The following NRG3 variants were observed in gnomAD, a reference collection of about 807,000 sequenced individuals.
The protein encoded by NRG3 is pro-neuregulin-3, membrane-bound isoform.
Under a neutral mutation model 66.9 loss-of-function variants are expected in NRG3, and 31 were observed. That is an observed-to-expected ratio of 0.46 (90% CI 0.35 to 0.63). NRG3 has a LOEUF of 0.63. NRG3 is among the 20% of genes least tolerant of loss of function. NRG3 has a pLI of 0.00. For missense variants in NRG3, 910 were observed against 878.9 expected (o/e 1.04, Z -0.45); for synonymous variants, 393 against 359.4 (o/e 1.09, Z -1.06).
intron 1 of NRG3, among the ~76,000 whole-genome samples, chr10:82,062,658 G>A (rs1274844000): frequency 6.6e-6 from 1 of 151,930 alleles, no homozygotes; most frequent in African/African-American, 2.4e-5. Context: ...TGGCTCCCAG[G>A]CAATGGGATG....
chr10:82,334,916 G>T (rs2082313177), intron 1 of NRG3, among the ~76,000 whole-genome samples: 1 of 152,090 alleles, frequency 6.6e-6, no homozygotes, highest in Non-Finnish European at 1.5e-5. Context: ...CTCTCAGGAG[G>T]TGCCAGCATT....
At chr10:81,918,818 C>CAAAAAAAAAAAAA (rs1554854963) in intron 1 of NRG3, among the ~76,000 whole-genome samples, 4 of 145,772 alleles carry the variant, frequency 2.7e-5, no homozygotes, top group African/African-American at 1.0e-4. Flanking sequence ...AGGATTTTTG[C>CAAAAAAAAAAAAA]AAAAAACAAA....
intron 1 of NRG3, among the ~76,000 whole-genome samples, chr10:82,200,913 C>G (rs959326850): frequency 1.3e-5 from 2 of 151,966 alleles, no homozygotes; most frequent in African/African-American, 4.8e-5. Context: ...AAAGAGACAG[C>G]TGGGCCGGGC....
intron 1 of NRG3, among the ~76,000 whole-genome samples, chr10:82,011,695 A>T (rs1394213958): frequency 6.6e-6 from 1 of 152,154 alleles, no homozygotes; most frequent in African/African-American, 2.4e-5. Flanking sequence ...AAACATAGAG[A>T]CTACAGTCCC....
rs117802991 is a variant in NRG3 at position 82,178,717 on chromosome 10, T to G, written c.824-180022T>G. ...TCTCTCTTTGAGATCCTAATTTCAG[T>G]TATGTTAGATAAATACCCAAAAGTA... On this transcript the variant is annotated intron_variant, in intron 1 of 8. Coordinates refer to ENST00000372141, the MANE Select transcript of NRG3 (RefSeq NM_001010848.4). Among the ~76,000 whole-genome samples, 1,050 of 152,224 alleles carry G rather than the reference T, an allele frequency of 6.9e-3. 15 individuals carry two copies. The highest frequency in any genetic ancestry group is 0.011 in the Non-Finnish European group (757 of 67,982).
chr10:81,990,830 C>A (rs2060711319), intron 1 of NRG3, among the ~76,000 whole-genome samples: 1 of 152,018 alleles, frequency 6.6e-6, no homozygotes, highest in South Asian at 2.1e-4. Flanking sequence ...ACTTTTTCCT[C>A]TTAAGAAAAA....
intron 2 of NRG3, among the ~76,000 whole-genome samples, chr10:82,662,278 T>C (rs367803424): frequency 2.0e-4 from 30 of 152,230 alleles, no homozygotes; most frequent in African/African-American, 7.2e-4. Context: ...CTGCAGGCTT[T>C]GGACTGTTTG....
At chr10:82,491,293 A>AATATATATATAT (rs10652539) in intron 2 of NRG3, among the ~76,000 whole-genome samples, 29 of 82,198 alleles carry the variant, frequency 3.5e-4, no homozygotes, top group African/African-American at 1.0e-3. Context: ...GTTCCCATAA[A>AATATATATATAT]ATATATATAT....
chr10:82,972,302 A>G lies in NRG3; in HGVS notation c.1285-1486A>G, dbSNP rs1052164576. ...ATATATTACATTGTCTTTATTCTCAACAATCCCAGCTAGGATTTTTTGTTT... is the reference window on the plus strand; with the variant it reads ...ATATATTACATTGTCTTTATTCTCAGCAATCCCAGCTAGGATTTTTTGTTT... On this transcript the variant is annotated intron_variant, in intron 6 of 8. Transcript: ENST00000372141. 1.1e-4 allele frequency among the ~76,000 whole-genome samples: 17 copies of G among 152,218 alleles called. No individual in the cohort carries two copies. The East Asian group carries it at 2.1e-3, about 19-fold the overall frequency.
intron 1 of NRG3, among the ~76,000 whole-genome samples, chr10:82,284,383 T>G (rs757512152): frequency 6.6e-6 from 1 of 152,222 alleles, no homozygotes; most frequent in Non-Finnish European, 1.5e-5. Context: ...GCTATAGAGA[T>G]GCTTGTTACA....
intron 2 of NRG3, among the ~76,000 whole-genome samples, chr10:82,628,506 G>A (rs934440666): frequency 1.3e-5 from 2 of 152,058 alleles, no homozygotes; most frequent in Non-Finnish European, 2.9e-5. Flanking sequence ...CACAGAGTTT[G>A]CTCAAGAAAG....
chr10:82,942,832 G>C (rs1848687845), intron 4 of NRG3, among the ~76,000 whole-genome samples: 1 of 152,168 alleles, frequency 6.6e-6, no homozygotes, highest in Admixed American at 6.5e-5. Flanking sequence ...TTATCTGTGA[G>C]GGAGAGTGTG....
chr10:82,603,177 G>A (rs1468330566), intron 2 of NRG3, among the ~76,000 whole-genome samples: 1 of 152,124 alleles, frequency 6.6e-6, no homozygotes, highest in African/African-American at 2.4e-5. Context: ...AAGCATTGGT[G>A]CAATTTTGCC....
intron 1 of NRG3, among the ~76,000 whole-genome samples, chr10:82,343,766 C>A (rs1268124368): frequency 1.3e-5 from 2 of 151,766 alleles, no homozygotes; most frequent in East Asian, 1.9e-4. Flanking sequence ...CTGCTCAAAT[C>A]CCCCCTGAAA....
chr10:82,170,455 C>T (rs1170711012), intron 1 of NRG3, among the ~76,000 whole-genome samples: 3 of 151,544 alleles, frequency 2.0e-5, no homozygotes, highest in Non-Finnish European at 4.4e-5. Context: ...ACTTAATATG[C>T]GTCTTGTCCA....
At chr10:82,779,163 A>G (rs898591714) in intron 3 of NRG3, among the ~76,000 whole-genome samples, 3 of 152,122 alleles carry the variant, frequency 2.0e-5, no homozygotes, top group African/African-American at 7.2e-5. Flanking sequence ...TAGTGCAGCC[A>G]TGTGAACTCC....
At chr10:81,901,171 GGTCATGTGAT>G (rs1411338700) in intron 1 of NRG3, among the ~76,000 whole-genome samples, 4 of 152,196 alleles carry the variant, frequency 2.6e-5, no homozygotes, top group Non-Finnish European at 5.9e-5. Context: ...ACACTTAAGA[GGTCATGTGAT>G]GCTAGTGACT....
At chr10:82,833,518 C>T (rs2062630632) in intron 3 of NRG3, among the ~76,000 whole-genome samples, 1 of 152,132 alleles carries the variant, frequency 6.6e-6, no homozygotes, top group Non-Finnish European at 1.5e-5. Flanking sequence ...GCTTTCCTGG[C>T]CTCCCACCAG....
chr10:82,974,062 C>T (rs1380017250), intron 7 of NRG3, 147 bp downstream of exon 7: 3 of 843,350 alleles, frequency 3.6e-6, no homozygotes, highest in Non-Finnish European at 5.4e-6. Flanking sequence ...GCTCAAACAC[C>T]TCACATCAGG....
Sources: allele counts gnomAD v4.1 joint callset (sites outside exome capture counted in the v4.1 genomes callset), GRCh38; gene constraint gnomAD v4.1.1; transcripts MANE v1.5; gene names NCBI Gene and HGNC (gene_info 2026-07-23, HGNC 2026-07-21).